Variants in APBB2 observed in about 807,000 individuals in gnomAD.
APBB2 encodes Fe65-like 1.
Under a neutral mutation model 82.5 loss-of-function variants are expected in APBB2, and 38 were observed. The ratio of observed to expected loss-of-function variants is 0.46; its 90% CI spans 0.36 to 0.60. The LOEUF (loss-of-function observed/expected upper bound fraction) is 0.60. Ranked by LOEUF, APBB2 falls within the 20% of genes least tolerant of loss-of-function variation. APBB2 has a pLI of 0.00. For synonymous variants in APBB2, 341 were observed against 368.2 expected (o/e 0.93, Z 0.85); for missense variants, 772 against 972.3 (o/e 0.79, Z 2.74).
chr4:41,165,238 T>A (rs1401632567), intron 1 of APBB2, among the ~76,000 whole-genome samples: 1 of 152,210 alleles, frequency 6.6e-6, no homozygotes, highest in African/African-American at 2.4e-5. Flanking sequence ...AGGAGGGTCC[T>A]AAGAGTACCC....
intron 1 of APBB2, among the ~76,000 whole-genome samples, chr4:41,145,456 G>A (rs965292333): frequency 2.6e-5 from 4 of 152,102 alleles, no homozygotes; most frequent in Non-Finnish European, 5.9e-5. Context: ...TACAAATCAC[G>A]TGCAGGTATT....
intron 12 of APBB2, among the ~76,000 whole-genome samples, chr4:40,854,608 G>A (rs768728531): frequency 1.1e-4 from 17 of 151,994 alleles, no homozygotes; most frequent in Non-Finnish European, 2.4e-4. Context: ...CCAACATGGC[G>A]AAACCCTGTC....
chr4:41,161,954 T>C (rs1765277962), intron 1 of APBB2, among the ~76,000 whole-genome samples: 1 of 152,186 alleles, frequency 6.6e-6, no homozygotes, highest in Non-Finnish European at 1.5e-5. Context: ...TATTAACTCA[T>C]GGGGAATCTT....
intron 2 of APBB2, among the ~76,000 whole-genome samples, chr4:41,122,947 G>A (rs1055846130): frequency 3.3e-5 from 5 of 152,130 alleles, no homozygotes; most frequent in African/African-American, 7.2e-5. Context: ...CAAACACGCC[G>A]CACTGGCTCC....
At chr4:40,933,629 G>A (rs774707950) in intron 10 of APBB2, among the ~76,000 whole-genome samples, 11 of 152,142 alleles carry the variant, frequency 7.2e-5, no homozygotes, top group African/African-American at 2.2e-4. Context: ...TCTCTTCCGC[G>A]GTAGAGGGCA....
intron 17 of APBB2, among the ~76,000 whole-genome samples, chr4:40,818,162 C>T (rs1560595271): frequency 6.6e-6 from 1 of 152,194 alleles, no homozygotes; most frequent in Non-Finnish European, 1.5e-5. Flanking sequence ...TATAAATTCA[C>T]ATACGGACCA....
chr4:41,151,091 A>G (rs369292518), intron 1 of APBB2, among the ~76,000 whole-genome samples: 2 of 152,132 alleles, frequency 1.3e-5, no homozygotes, highest in South Asian at 2.1e-4. Flanking sequence ...ATCCATGCTC[A>G]AGAGACACAT....
chr4:41,066,358 AT>A (rs987445004), intron 3 of APBB2, among the ~76,000 whole-genome samples: 3 of 152,152 alleles, frequency 2.0e-5, no homozygotes, highest in East Asian at 1.9e-4. Flanking sequence ...CTGTCAGTTG[AT>A]TTTTTATTTA....
intron 1 of APBB2, among the ~76,000 whole-genome samples, chr4:41,186,901 T>C (rs1314734400): frequency 6.6e-6 from 1 of 152,196 alleles, no homozygotes; most frequent in Non-Finnish European, 1.5e-5. Context: ...TCCAAATCCA[T>C]GCATTTGACT....
At chr4:40,869,755 T>TG (rs1376440924) in intron 12 of APBB2, among the ~76,000 whole-genome samples, 16 of 152,196 alleles carry the variant, frequency 1.1e-4, no homozygotes, top group African/African-American at 3.9e-4. Context: ...TTTAGATCTT[T>TG]GTATTAATTT....
At chr4:40,866,921 C>CTGTG (rs965823996) in intron 12 of APBB2, among the ~76,000 whole-genome samples, 11 of 152,034 alleles carry the variant, frequency 7.2e-5, no homozygotes, top group African/African-American at 2.7e-4. Flanking sequence ...AAGCACTGAA[C>CTGTG]TGTGCAGTTT....
intron 10 of APBB2, among the ~76,000 whole-genome samples, chr4:40,899,320 T>C (rs145078609): frequency 2.4e-4 from 37 of 152,342 alleles, no homozygotes; most frequent in African/African-American, 7.0e-4. Context: ...GCTTTTGACC[T>C]GGGCCCCCTT....
chr4:41,034,809 T>A lies in APBB2; in HGVS notation c.-50-1505A>T, dbSNP rs1004066765. 5.3e-5 allele frequency among the ~76,000 whole-genome samples: 8 copies of A among 152,364 alleles called. No homozygotes were observed. The South Asian group carries it at 6.2e-4, about 12-fold the overall frequency. Reference sequence around the variant, plus strand: ...TTAAAGGAATAGAAAGATCTAGAAATACTGGTAAGCTGCCAGTTTAACAAA... The same window carrying A: ...TTAAAGGAATAGAAAGATCTAGAAAAACTGGTAAGCTGCCAGTTTAACAAA... On this transcript the variant is annotated intron_variant, in intron 4 of 17. Transcript: ENST00000508593.
At chr4:40,841,133 CT>C in intron 12 of APBB2, among the ~76,000 whole-genome samples, 1 of 152,316 alleles carries the variant, frequency 6.6e-6, no homozygotes. Context: ...AACCACTGGA[CT>C]ATGACAGCAG....
chr4:41,178,486 C>G (rs1770432356), intron 1 of APBB2, among the ~76,000 whole-genome samples: 1 of 152,162 alleles, frequency 6.6e-6, no homozygotes, highest in Admixed American at 6.5e-5. Flanking sequence ...TTCTCACCCA[C>G]TAGAACAAAA....
chr4:40,890,783 G>T, intron 11 of APBB2: 1 of 264,864 alleles, frequency 3.8e-6, no homozygotes. Context: ...TACGACAAAA[G>T]GCTAATTGTG....
intron 3 of APBB2, among the ~76,000 whole-genome samples, chr4:41,070,267 G>C (rs1733344927): frequency 6.6e-6 from 1 of 152,016 alleles, no homozygotes; most frequent in Non-Finnish European, 1.5e-5. Flanking sequence ...AATAAAAGAA[G>C]CCCTGAGGTA....
At chr4:40,905,502 T>C (rs1449671252) in intron 10 of APBB2, among the ~76,000 whole-genome samples, 2 of 152,170 alleles carry the variant, frequency 1.3e-5, no homozygotes, top group East Asian at 3.8e-4. Flanking sequence ...AACGAAAGGA[T>C]TCTTTCAAAG....
At chr4:40,858,658 G>C (rs1327454251) in intron 12 of APBB2, among the ~76,000 whole-genome samples, 1 of 152,226 alleles carries the variant, frequency 6.6e-6, no homozygotes, top group East Asian at 1.9e-4. Flanking sequence ...CAACTTTAAT[G>C]TTCATGTTTA....
Sources: gnomAD v4.1 joint callset for allele counts (sites outside exome capture counted in the v4.1 genomes callset) on GRCh38, gnomAD v4.1.1 for gene constraint, MANE v1.5 for transcripts, NCBI Gene and HGNC (gene_info 2026-07-23, HGNC 2026-07-21) for gene names.